CACNB2: variants seen among roughly 807,000 people sequenced by gnomAD.
CACNB2 encodes voltage-dependent L-type calcium channel subunit beta-2.
CACNB2 carries 42 observed loss-of-function variants against 73.3 expected under a neutral mutation model. The ratio of observed to expected loss-of-function variants is 0.57; its 90% CI spans 0.45 to 0.74. The LOEUF is 0.74. Among genes scored for constraint, CACNB2 ranks in the 30% least tolerant of loss-of-function variants. The pLI is 0.00. For synonymous variants in CACNB2, 348 were observed against 310.3 expected, an observed-to-expected ratio of 1.12 and a Z score of -1.28; for missense variants, 940 against 853.0, an observed-to-expected ratio of 1.10 and a Z score of -1.27.
At chr10:18,432,279 C>G (rs2045924947) in intron 3 of CACNB2, among the ~76,000 whole-genome samples, 1 of 152,152 alleles carries the variant, frequency 6.6e-6, no homozygotes, top group East Asian at 1.9e-4. Flanking sequence ...AATGTGACAA[C>G]AAATCTGTCA....
rs769122195 is a variant in CACNB2, at chr10:18,302,849, T to C, written c.214-99075T>C. Among the ~76,000 whole-genome samples, 47 of 152,084 alleles carry C rather than the reference T, an allele frequency of 3.1e-4. 1 individual carries two copies. Among genetic ancestry groups the C allele is most frequent in the Non-Finnish European group, 5.7e-4 (39 of 68,006 alleles). ...AACACCACCTGTTCCCTAAAACCTA[T>C]GGAAATAAAAAATAAAAAATAAAAC... On this transcript the variant is annotated intron_variant, in intron 2 of 13. Coordinates refer to ENST00000324631, the MANE Select transcript of CACNB2 (RefSeq NM_201596.3).
At chr10:18,262,062 T>G in intron 2 of CACNB2, 1 of 518,148 alleles carries the variant, frequency 1.9e-6, no homozygotes, top group South Asian at 1.4e-5. Context: ...GGAAGGGTTG[T>G]AAAAGGGAAC....
At chr10:18,503,150 A>C (rs1321393645) in intron 5 of CACNB2, among the ~76,000 whole-genome samples, 1 of 152,210 alleles carries the variant, frequency 6.6e-6, no homozygotes, top group Non-Finnish European at 1.5e-5. Context: ...AATGAGAAAA[A>C]AAAGTAAAGA....
intron 2 of CACNB2, among the ~76,000 whole-genome samples, chr10:18,187,651 C>A (rs2034213784): frequency 6.6e-6 from 1 of 151,624 alleles, no homozygotes; most frequent in South Asian, 2.1e-4. Flanking sequence ...ACACCATGGT[C>A]CTGAGAGGAA....
chr10:18,215,630 T>G (rs1223433951), intron 2 of CACNB2, among the ~76,000 whole-genome samples: 2 of 152,214 alleles, frequency 1.3e-5, no homozygotes, highest in African/African-American at 4.8e-5. Flanking sequence ...TGTTCTGTCC[T>G]TTGCTGCTCT....
intron 4 of CACNB2, among the ~76,000 whole-genome samples, chr10:18,499,384 A>G (rs571368484): frequency 3.9e-5 from 6 of 152,172 alleles, no homozygotes; most frequent in African/African-American, 9.6e-5. Flanking sequence ...TTGGGAGGCC[A>G]AGGTGGGCGG....
chr10:18,387,981 T>A (rs550707243), intron 2 of CACNB2, among the ~76,000 whole-genome samples: 1 of 152,280 alleles, frequency 6.6e-6, no homozygotes, highest in South Asian at 2.1e-4. Flanking sequence ...GGTCTCAAAC[T>A]GCCGAGCTCA....
intron 2 of CACNB2, among the ~76,000 whole-genome samples, chr10:18,393,276 A>T (rs1431212192): frequency 6.6e-6 from 1 of 152,132 alleles, no homozygotes; most frequent in African/African-American, 2.4e-5. Flanking sequence ...CAAAACACAC[A>T]TACACATACA....
chr10:18,384,994 T>A (rs2043164975), intron 2 of CACNB2, among the ~76,000 whole-genome samples: 1 of 151,748 alleles, frequency 6.6e-6, no homozygotes, highest in South Asian at 2.1e-4. Context: ...AAAGAACAGT[T>A]GCCGGCTGGG....
intron 2 of CACNB2, among the ~76,000 whole-genome samples, chr10:18,218,402 A>G (rs2035597146): frequency 6.6e-6 from 1 of 152,202 alleles, no homozygotes; most frequent in South Asian, 2.1e-4. Context: ...TAGATTGTTC[A>G]CAATCTAGAT....
At chr10:18,213,608 C>T (rs1250821539) in intron 2 of CACNB2, among the ~76,000 whole-genome samples, 2 of 152,200 alleles carry the variant, frequency 1.3e-5, no homozygotes, top group African/African-American at 4.8e-5. Flanking sequence ...TTTAGTAAAA[C>T]TCTCTACTAC....
intron 2 of CACNB2, among the ~76,000 whole-genome samples, chr10:18,223,654 T>C (rs945881752): frequency 1.3e-5 from 2 of 152,162 alleles, no homozygotes; most frequent in African/African-American, 4.8e-5. Context: ...AACTATTATA[T>C]GGTAACTAAC....
rs71402161 is a variant in CACNB2 at position 18,408,231 on chromosome 10, C to CTTTTT, written c.333+6209_333+6213dup. Among the ~76,000 whole-genome samples the CTTTTT allele has an allele frequency of 9.5e-4, 74 of 77,992 alleles. 1 individual carries two copies. The highest frequency in any genetic ancestry group is 1.6e-3 in the East Asian group (4 of 2,508). The allele number at this position is 77,992 out of a possible 152,430, so 51.2% of individuals were successfully genotyped here. ...TTAAGGAAACATTCACTATCCCTGACTTTTTTTTTTTTTTTTTTTTTTTTT... is the reference window on the plus strand; with the variant it reads ...TTAAGGAAACATTCACTATCCCTGACTTTTTTTTTTTTTTTTTTTTTTTTTTTTTT... On this transcript the variant is annotated intron_variant, in intron 3 of 13. Transcript: ENST00000324631.
chr10:18,438,182 G>GCTT (rs1447744792), intron 3 of CACNB2, among the ~76,000 whole-genome samples: 1 of 38,412 alleles, frequency 2.6e-5, no homozygotes, highest in Admixed American at 1.9e-4. Flanking sequence ...CACACCTGGC[G>GCTT]ATTTTTTTTT....
Position 18,539,052 on chromosome 10 carries a change from A to G in CACNB2, c.1489-178A>G. The G allele has an allele frequency of 6.9e-6, 5 of 720,840 alleles. No individual in the cohort carries two copies. The South Asian group carries it at 8.3e-5, about 12-fold the overall frequency. The allele number at this position is 720,840 out of a possible 1,614,324, so 44.7% of individuals were successfully genotyped here. On this transcript the variant is annotated intron_variant, in intron 13 of 13. Coordinates refer to ENST00000324631, the MANE Select transcript of CACNB2 (RefSeq NM_201596.3). ...CACTTACAAAAGTCCAATTTAATAT[A>G]GTATAGTATAAAGCCTTATAAATGC...
intron 2 of CACNB2, among the ~76,000 whole-genome samples, chr10:18,358,535 TCTCTCTCTCTCTCTCTC>T (rs2042018091): frequency 2.9e-5 from 1 of 34,186 alleles, no homozygotes; most frequent in Non-Finnish European, 8.5e-5. Context: ...TCTCTCTCTC[TCTCTCTCTCTCTCTCTC>T]GCTCTCTCTC....
chr10:18,147,884 G>A (rs182834007), intron 1 of CACNB2, among the ~76,000 whole-genome samples: 3 of 152,020 alleles, frequency 2.0e-5, no homozygotes, highest in Non-Finnish European at 2.9e-5. Context: ...CAAATCTTTC[G>A]AGCAAGATGG....
chr10:18,434,737 T>TTG (rs927018008), intron 3 of CACNB2, among the ~76,000 whole-genome samples: 2 of 152,106 alleles, frequency 1.3e-5, no homozygotes, highest in Non-Finnish European at 2.9e-5. Context: ...GAGCTTTTGC[T>TTG]TGTATAGCTT....
intron 2 of CACNB2, among the ~76,000 whole-genome samples, chr10:18,164,865 A>G (rs976116935): frequency 6.6e-6 from 1 of 152,148 alleles, no homozygotes; most frequent in Admixed American, 6.6e-5. Context: ...AAATACACGG[A>G]CTTCCTGACT....
Sources: gnomAD v4.1 joint callset for allele counts (sites outside exome capture counted in the v4.1 genomes callset) on GRCh38, gnomAD v4.1.1 for gene constraint, MANE v1.5 for transcripts, NCBI Gene and HGNC (gene_info 2026-07-23, HGNC 2026-07-21) for gene names.